FOXK2: variants seen among roughly 807,000 people sequenced by gnomAD.
The protein encoded by FOXK2 is forkhead box protein K2.
In FOXK2, 24 loss-of-function variants were observed where a neutral mutation model predicts 53.3. That is an observed-to-expected ratio of 0.45 (90% CI 0.33 to 0.63). FOXK2 has a LOEUF of 0.63. Among genes scored for constraint, FOXK2 ranks in the 30% least tolerant of loss-of-function variants. The probability of loss-of-function intolerance (pLI) is 0.03; values close to 1 mark genes in which losing one functional copy is unlikely to be tolerated. For missense variants in FOXK2, 952 were observed against 910.5 expected, an observed-to-expected ratio of 1.05 and a Z score of -0.59; for synonymous variants, 505 against 407.1, an observed-to-expected ratio of 1.24 and a Z score of -2.89.
chr17:82,595,856 C>G, intron 8 of FOXK2: 21 of 1,289,064 alleles, frequency 1.6e-5, no homozygotes, highest in Non-Finnish European at 2.1e-5. Flanking sequence ...CAGGCCCCAT[C>G]CAGACAGACC....
chr17:82,525,308 C>A (rs148612078), intron 1 of FOXK2, among the ~76,000 whole-genome samples: 78 of 152,264 alleles, frequency 5.1e-4, no homozygotes, highest in African/African-American at 1.6e-3. Flanking sequence ...TCCCAAGTAG[C>A]TGGGACTACA....
chr17:82,544,065 C>T (rs554873748), intron 1 of FOXK2, among the ~76,000 whole-genome samples: 7 of 152,134 alleles, frequency 4.6e-5, no homozygotes, highest in Non-Finnish European at 7.4e-5. Flanking sequence ...CGTGAGCCAC[C>T]GTGCCCAGCC....
chr17:82,552,673 A>G (rs1415490481), intron 1 of FOXK2, among the ~76,000 whole-genome samples: 2 of 152,198 alleles, frequency 1.3e-5, no homozygotes, highest in African/African-American at 2.4e-5. Context: ...CAGGAACTCT[A>G]GAGGTGAAGT....
rs1342785663 is a variant in FOXK2 at position 82,572,733 on chromosome 17, C to G, written c.909+863C>G. ...TAATTCATTAAGTAACCAGGAACAT[C>G]TATAGAATTTCTTTGAGGCTTTAAT... On this transcript the variant is annotated intron_variant, in intron 4 of 8. Coordinates refer to ENST00000335255, the MANE Select transcript of FOXK2 (RefSeq NM_004514.4). Among the ~76,000 whole-genome samples, 3 of 152,184 alleles carry G rather than the reference C, an allele frequency of 2.0e-5. No homozygotes were observed. In the South Asian group the frequency reaches 6.2e-4, roughly 32 times the overall value.
chr17:82,555,711 C>T (rs1443841503), intron 1 of FOXK2, among the ~76,000 whole-genome samples: 5 of 144,006 alleles, frequency 3.5e-5, no homozygotes, highest in African/African-American at 1.3e-4. Flanking sequence ...GGTGAAACCC[C>T]GTCTCTACTA....
intron 8 of FOXK2, among the ~76,000 whole-genome samples, chr17:82,595,319 G>GT (rs1347707675): frequency 6.6e-6 from 1 of 152,110 alleles, no homozygotes; most frequent in African/African-American, 2.4e-5. Flanking sequence ...CTTTTGTCTT[G>GT]TTTTTTGAGA....
rs144616766 is a variant in FOXK2, at chr17:82,587,181, A to C, written c.1695A>C (p.Leu565=). The change falls in exon 8 of 9, where the codon CTA becomes CTC. Residue 565 remains leucine (L), a synonymous_variant. Coordinates refer to ENST00000335255, the MANE Select transcript of FOXK2 (RefSeq NM_004514.4). ...QTVTIVQQAP[L]GQHQLPIKTV... ...TGACCATAGTACAACAGGCACCTCTAGGTCAACACCAGCTACCAATAAAAA... is the reference window on the plus strand; with the variant it reads ...TGACCATAGTACAACAGGCACCTCTCGGTCAACACCAGCTACCAATAAAAA... 1.1e-5 allele frequency: 17 copies of C among 1,612,994 alleles called. No homozygotes were observed. The Middle Eastern group carries it at 2.0e-3, about 187-fold the overall frequency.
At position 82,603,381 on chromosome 17, in the gene FOXK2, C is replaced by T. The variant is rs372700947; in HGVS notation, c.*1882C>T. 6.6e-6 allele frequency: 1 copy of T among 152,266 alleles called. No homozygotes were observed. The highest frequency in any genetic ancestry group is 1.5e-5 in the Non-Finnish European group (1 of 68,056). The allele number at this position is 152,266 out of a possible 1,614,324, so 9.4% of individuals were successfully genotyped here. A position where few individuals can be genotyped will look rare whatever the true frequency, so the allele number is the denominator to read the frequency against. ...GTCCTGTGTGTGGGGTCAGCTCCCT[C>T]CACAGAGGGCTCCAGCTCTGTTGGT... On this transcript the variant is annotated 3_prime_UTR_variant, in exon 9 of 9. Transcript: ENST00000335255.
At chr17:82,555,716 C>G (rs932996648) in intron 1 of FOXK2, among the ~76,000 whole-genome samples, 2 of 140,330 alleles carry the variant, frequency 1.4e-5, no homozygotes, top group South Asian at 2.4e-4. Flanking sequence ...AACCCCGTCT[C>G]TACTAAAAAT....
At chr17:82,552,281 C>T (rs1327179930) in intron 1 of FOXK2, among the ~76,000 whole-genome samples, 1 of 152,210 alleles carries the variant, frequency 6.6e-6, no homozygotes, top group Non-Finnish European at 1.5e-5. Flanking sequence ...ATTCCCACTC[C>T]GTTAGTGTTT....
At chr17:82,528,784 C>G (rs1338857032) in intron 1 of FOXK2, among the ~76,000 whole-genome samples, 1 of 152,232 alleles carries the variant, frequency 6.6e-6, no homozygotes, top group Non-Finnish European at 1.5e-5. Flanking sequence ...AGAAGGTGCT[C>G]TGCTGAGAAT....
At chr17:82,532,615 C>G (rs1404710799) in intron 1 of FOXK2, among the ~76,000 whole-genome samples, 1 of 152,138 alleles carries the variant, frequency 6.6e-6, no homozygotes, top group Non-Finnish European at 1.5e-5. Flanking sequence ...GAGACTACGT[C>G]TCACTGTGTG....
chr17:82,573,562 T>TCTCTCTCTCA (rs1185597025), intron 4 of FOXK2, among the ~76,000 whole-genome samples: 3 of 83,316 alleles, frequency 3.6e-5, no homozygotes, highest in Non-Finnish European at 7.7e-5. Context: ...TCTCTCTCTC[T>TCTCTCTCTCA]CACACACACA....
chr17:82,533,751 G>A (rs1375260637), intron 1 of FOXK2, among the ~76,000 whole-genome samples: 3 of 151,912 alleles, frequency 2.0e-5, no homozygotes, highest in African/African-American at 4.8e-5. Flanking sequence ...GACTTGAAAC[G>A]ACGTGAATTT....
At chr17:82,566,383 T>C (rs1010430032) in intron 2 of FOXK2, among the ~76,000 whole-genome samples, 1 of 152,134 alleles carries the variant, frequency 6.6e-6, no homozygotes, top group African/African-American at 2.4e-5. Context: ...GGCCTTCTCG[T>C]TGCTGCCCTC....
chr17:82,535,830 C>T (rs1206916642), intron 1 of FOXK2, among the ~76,000 whole-genome samples: 4 of 151,236 alleles, frequency 2.6e-5, no homozygotes, highest in Non-Finnish European at 5.9e-5. Context: ...TCACTGAAAC[C>T]TCTTCTGGTT....
At chr17:82,537,935 A>G (rs1444780029) in intron 1 of FOXK2, among the ~76,000 whole-genome samples, 2 of 151,084 alleles carry the variant, frequency 1.3e-5, no homozygotes, top group African/African-American at 4.9e-5. Flanking sequence ...AAAAAAAAAA[A>G]ATCCGTGGCC....
In FOXK2 at chr17:82,603,243, C is replaced by T. The variant is rs2045407366; in HGVS notation, c.*1744C>T. The T allele has an allele frequency of 6.6e-6, 1 of 152,240 alleles. No individual in the cohort carries two copies. Among genetic ancestry groups the T allele is most frequent in the African/African-American group, 2.4e-5 (1 of 41,460 alleles). 9.4% of individuals were successfully genotyped at this position (152,240 alleles called of 1,614,324 possible). A position where few individuals can be genotyped will look rare whatever the true frequency, so the allele number is the denominator to read the frequency against. ...CGCAGCGTGTGGATGGATCAGAGCC[C>T]CTCGGTGCAGCTGTCTGCATCTTCC... is the stretch of plus-strand genomic sequence containing the variant. On this transcript the variant is annotated 3_prime_UTR_variant, in exon 9 of 9. Transcript: ENST00000335255.
At chr17:82,586,284 ACAGGGAGGTCAAAGGTGGGCC>A (rs2045152522) in intron 7 of FOXK2, 84 bp downstream of exon 7, 3 of 362,956 alleles carry the variant, frequency 8.3e-6, no homozygotes, top group East Asian at 1.1e-4. Flanking sequence ...AGGGGAGACC[ACAGGGAGGTCAAAGGTGGGCC>A]GGGGGGGAAA....
Sources: allele counts gnomAD v4.1 joint callset (sites outside exome capture counted in the v4.1 genomes callset), GRCh38; gene constraint gnomAD v4.1.1; transcripts MANE v1.5; gene names NCBI Gene and HGNC (gene_info 2026-07-23, HGNC 2026-07-21).